Variants in UBE2D3 observed in about 807,000 individuals in gnomAD.
The protein encoded by UBE2D3 is ubiquitin-conjugating enzyme E2 D3.
Under a neutral mutation model 22.8 loss-of-function variants are expected in UBE2D3, and 2 were observed. The observed-to-expected ratio is 0.09, with a 90% CI of 0.04 to 0.28. The LOEUF (loss-of-function observed/expected upper bound fraction) is 0.28. Among genes scored for constraint, UBE2D3 ranks in the 10% least tolerant of loss-of-function variants. UBE2D3 has a pLI of 1.00. For missense variants in UBE2D3, 27 were observed against 182.5 expected (o/e 0.15, Z 4.91); for synonymous variants, 56 against 60.4 (o/e 0.93, Z 0.34).
chr4:102,832,618 C>T (rs1003375043), intron 1 of UBE2D3, among the ~76,000 whole-genome samples: 1 of 151,484 alleles, frequency 6.6e-6, no homozygotes, highest in African/African-American at 2.4e-5. Context: ...AGAGAGAGTA[C>T]AGGAAGTAAA....
rs567797170 is a variant in UBE2D3, at chr4:102,801,056, A to G, written c.304+398T>C. On this transcript the variant is annotated intron_variant, in intron 6 of 7. Transcript: ENST00000453744. ...AATTAACCCAGGAAAGCAAAATCAG[A>G]ATTTTCCTAGAGTGGAAACCTCAGG... Among the ~76,000 whole-genome samples, 3 of 152,136 alleles carry G rather than the reference A, an allele frequency of 2.0e-5. No individual in the cohort carries two copies. The South Asian group carries it at 6.2e-4, about 31-fold the overall frequency.
chr4:102,825,777 A>C (rs1730363355), intron 2 of UBE2D3: 2 of 462,548 alleles, frequency 4.3e-6, no homozygotes, highest in African/African-American at 2.0e-5. Context: ...CTCCAGCCAA[A>C]AGGAAAAGGG....
chr4:102,836,601 C>G (rs551766947), intron 1 of UBE2D3, among the ~76,000 whole-genome samples: 1 of 152,270 alleles, frequency 6.6e-6, no homozygotes, highest in African/African-American at 2.4e-5. Flanking sequence ...TAAGAAACTG[C>G]CAAACTTTCC....
chr4:102,827,072 TAAAG>T lies in UBE2D3; in HGVS notation c.-129+351_-129+354del, dbSNP rs981631414. 1.0e-5 allele frequency: 10 copies of T among 988,912 alleles called. No homozygotes were observed. In the African/African-American group the frequency reaches 1.6e-4, roughly 16 times the overall value. 61.3% of individuals were successfully genotyped at this position (988,912 alleles called of 1,614,324 possible). ...GGTGCGGCCGGGAAAAGGAAGGAAA[TAAAG>T]GAAGGGAGACTTGATGTGTATTGCT... On this transcript the variant is annotated intron_variant, in intron 1 of 7. Transcript: ENST00000453744.
chr4:102,821,465 G>A (rs1372895816), intron 2 of UBE2D3, among the ~76,000 whole-genome samples: 2 of 152,044 alleles, frequency 1.3e-5, no homozygotes, highest in South Asian at 2.1e-4. Context: ...AGAATACTAC[G>A]TCTAATGCAG....
At chr4:102,816,073 A>C (rs1285921536) in intron 2 of UBE2D3, among the ~76,000 whole-genome samples, 1 of 152,242 alleles carries the variant, frequency 6.6e-6, no homozygotes, top group Non-Finnish European at 1.5e-5. Context: ...AGAAAAGAGT[A>C]AGTCATAGCA....
At chr4:102,813,241 C>CGGAA (rs1168595182) in intron 2 of UBE2D3, among the ~76,000 whole-genome samples, 1 of 152,116 alleles carries the variant, frequency 6.6e-6, no homozygotes, top group Non-Finnish European at 1.5e-5. Flanking sequence ...TATTCACAGG[C>CGGAA]GGAATCACAA....
At chr4:102,812,955 T>C (rs1441411817) in intron 2 of UBE2D3, 1 of 152,188 alleles carries the variant, frequency 6.6e-6, no homozygotes, top group African/African-American at 2.4e-5. Flanking sequence ...AAAGTGCTAC[T>C]TTCAACAAGA....
upstream of UBE2D3, chr4:102,868,880 C>G (rs1439794280): frequency 4.7e-6 from 7 of 1,499,558 alleles, no homozygotes; most frequent in Non-Finnish European, 6.4e-6. Flanking sequence ...GTTCCCGCGC[C>G]TCGGCAGTCC....
intron 1 of UBE2D3, among the ~76,000 whole-genome samples, chr4:102,846,715 T>C (rs1222170321): frequency 1.3e-5 from 2 of 152,038 alleles, no homozygotes; most frequent in South Asian, 2.1e-4. Context: ...TCATGGCTCA[T>C]TGCAACTTTG....
At chr4:102,840,480 T>C (rs1424288341) in intron 1 of UBE2D3, among the ~76,000 whole-genome samples, 1 of 152,196 alleles carries the variant, frequency 6.6e-6, no homozygotes, top group East Asian at 1.9e-4. Context: ...ATGACAAATA[T>C]CACATGTTCT....
intron 1 of UBE2D3, among the ~76,000 whole-genome samples, chr4:102,836,027 C>A (rs1192963807): frequency 6.6e-6 from 1 of 151,940 alleles, no homozygotes; most frequent in Non-Finnish European, 1.5e-5. Context: ...TTGAGACTTA[C>A]CTATATTGTT....
chr4:102,805,525 C>T (rs1461119839), intron 4 of UBE2D3, among the ~76,000 whole-genome samples: 6 of 149,130 alleles, frequency 4.0e-5, no homozygotes, highest in Admixed American at 2.7e-4. Context: ...GTGGTGCTGT[C>T]GCCCAGGCTG....
chr4:102,812,015 G>A (rs1203388458), intron 2 of UBE2D3: 6 of 118,356 alleles, frequency 5.1e-5, no homozygotes, highest in South Asian at 4.9e-4. Flanking sequence ...TTCAAAGTGG[G>A]TAACTTTTTT....
In UBE2D3 at chr4:102,801,025, T is replaced by C. The variant is rs181184307; in HGVS notation, c.304+429A>G. 4.5e-4 allele frequency among the ~76,000 whole-genome samples: 69 copies of C among 152,120 alleles called. 1 individual carries two copies. Among genetic ancestry groups the C allele is most frequent in the Admixed American group, 2.6e-3 (39 of 15,266 alleles). On this transcript the variant is annotated intron_variant, in intron 6 of 7. Transcript: ENST00000453744. ...TACATAAAACATGACTGAAGATTTGTCTAAAAATTAACCCAGGAAAGCAAA... is the reference window on the plus strand; with the variant it reads ...TACATAAAACATGACTGAAGATTTGCCTAAAAATTAACCCAGGAAAGCAAA...
At chr4:102,802,812 T>C in intron 4 of UBE2D3, 174 bp from the exon 5 acceptor site, 1 of 426,080 alleles carries the variant, frequency 2.3e-6, no homozygotes, top group Non-Finnish European at 4.1e-6. Flanking sequence ...ACTTAAAACT[T>C]ATACAGTAAT....
At chr4:102,802,996 C>T (rs1726445320) in intron 4 of UBE2D3, among the ~76,000 whole-genome samples, 1 of 152,180 alleles carries the variant, frequency 6.6e-6, no homozygotes, top group Non-Finnish European at 1.5e-5. Flanking sequence ...TAGATTATTT[C>T]TTCCAATAGC....
chr4:102,801,581 AT>A lies in UBE2D3; in HGVS notation c.199-23del, dbSNP rs749093683. The A allele has an allele frequency of 3.1e-5, 48 of 1,537,924 alleles. 2 individuals are homozygous for A. The Middle Eastern group carries it at 5.6e-3, about 178-fold the overall frequency. ...CAACCTAAAACAAAAACTTTTAAGT[AT>A]TTTATTCAAATAAAAACAAACATCT... On this transcript the variant is annotated intron_variant, in intron 5 of 7. Transcript: ENST00000453744.
At chr4:102,836,020 A>G (rs1731374892) in intron 1 of UBE2D3, among the ~76,000 whole-genome samples, 1 of 151,974 alleles carries the variant, frequency 6.6e-6, no homozygotes, top group South Asian at 2.1e-4. Context: ...AATTATTTTG[A>G]GACTTACCTA....
Sources: allele counts gnomAD v4.1 joint callset (sites outside exome capture counted in the v4.1 genomes callset), GRCh38; gene constraint gnomAD v4.1.1; transcripts MANE v1.5; gene names NCBI Gene and HGNC (gene_info 2026-07-23, HGNC 2026-07-21).